Variants in TRIM9 observed in about 807,000 individuals in gnomAD.
The protein encoded by TRIM9 is tripartite motif containing 9.
TRIM9 carries 26 observed loss-of-function variants against 78.3 expected under a neutral mutation model. The observed-to-expected ratio is 0.33, with a 90% confidence interval of 0.24 to 0.46. The LOEUF is 0.46. Among genes scored for constraint, TRIM9 ranks in the 20% least tolerant of loss-of-function variants. The pLI, the probability that TRIM9 is intolerant of heterozygous loss-of-function variation, is 1.00. For missense variants in TRIM9, 787 were observed against 1,036.4 expected (o/e 0.76, Z 3.30); for synonymous variants, 398 against 416.5 (o/e 0.96, Z 0.54).
rs544588826 is a variant in TRIM9 at position 51,061,256 on chromosome 14, T to C, written c.822+32862A>G. 4.0e-5 allele frequency among the ~76,000 whole-genome samples: 6 copies of C among 151,794 alleles called. No homozygotes were observed. The South Asian group carries it at 8.3e-4, about 21-fold the overall frequency. On this transcript the variant is annotated intron_variant, in intron 1 of 12. Transcript: ENST00000684578. ...AGTGAAACCCTGTCTCTACGAAAAA[T>C]ATAAAAGTTAGCTGGGCGTGGTGGT...
At chr14:50,999,604 C>T (rs967066007) in intron 6 of TRIM9, among the ~76,000 whole-genome samples, 6 of 152,086 alleles carry the variant, frequency 3.9e-5, no homozygotes, top group Admixed American at 3.3e-4. Flanking sequence ...GAAAAGGGGG[C>T]CTTGAGAGGC....
At chr14:50,988,578 T>C (rs947624031) in intron 7 of TRIM9, among the ~76,000 whole-genome samples, 5 of 83,304 alleles carry the variant, frequency 6.0e-5, no homozygotes, top group Admixed American at 2.1e-4. Flanking sequence ...CCATTTCTTT[T>C]TTTTTTTTTT....
chr14:51,072,206 T>C (rs1334020238), intron 1 of TRIM9, among the ~76,000 whole-genome samples: 2 of 152,188 alleles, frequency 1.3e-5, no homozygotes, highest in Non-Finnish European at 2.9e-5. Context: ...TTCTTTTTTT[T>C]CATAGGGAAA....
chr14:50,975,726 T>C lies in TRIM9; in HGVS notation c.*1565A>G, dbSNP rs2051046870. On this transcript the variant is annotated 3_prime_UTR_variant, in exon 13 of 13. Transcript: ENST00000684578. Reference sequence around the variant, plus strand: ...CCCTTCTATTTGTTATTCTTGTTTTTTCATGGTGAATTTCTTGGCTCACTG... The same window carrying C: ...CCCTTCTATTTGTTATTCTTGTTTTCTCATGGTGAATTTCTTGGCTCACTG... 1 of 152,688 alleles carries C rather than the reference T, an allele frequency of 6.5e-6. No homozygotes were observed. The highest frequency in any genetic ancestry group is 2.4e-5 in the African/African-American group (1 of 41,468). The allele number at this position is 152,688 out of a possible 1,614,324, so 9.5% of individuals were successfully genotyped here.
intron 1 of TRIM9, among the ~76,000 whole-genome samples, chr14:51,049,036 A>G (rs2060177980): frequency 6.6e-6 from 1 of 151,342 alleles, no homozygotes; most frequent in Non-Finnish European, 1.5e-5. Flanking sequence ...TTACATGAAC[A>G]TAGTTTAGTG....
At chr14:50,989,708 T>C (rs921857938) in intron 7 of TRIM9, among the ~76,000 whole-genome samples, 2 of 152,168 alleles carry the variant, frequency 1.3e-5, no homozygotes, top group African/African-American at 4.8e-5. Context: ...AATGGCCAAA[T>C]GTGGTGACTC....
chr14:51,035,063 T>C (rs557113827), intron 1 of TRIM9, among the ~76,000 whole-genome samples: 52 of 152,278 alleles, frequency 3.4e-4, no homozygotes, highest in Non-Finnish European at 6.9e-4. Context: ...GATTTCAAGA[T>C]AGCAATAGAT....
chr14:51,012,449 C>T (rs1424124071), intron 3 of TRIM9, among the ~76,000 whole-genome samples: 8 of 152,160 alleles, frequency 5.3e-5, no homozygotes, highest in African/African-American at 1.7e-4. Flanking sequence ...GTATGTATAT[C>T]GCATTTTGTT....
intron 1 of TRIM9, among the ~76,000 whole-genome samples, chr14:51,065,433 C>A (rs56122519): frequency 0.025 from 3,805 of 152,230 alleles, 165 homozygotes; most frequent in African/African-American, 0.088. Context: ...AGGAAGTGCA[C>A]TGTATGGGGC....
At chr14:51,060,537 G>A (rs1157448461) in intron 1 of TRIM9, among the ~76,000 whole-genome samples, 1 of 152,040 alleles carries the variant, frequency 6.6e-6, no homozygotes, top group Non-Finnish European at 1.5e-5. Flanking sequence ...CACGATCTCG[G>A]CTGACTGCAA....
At chr14:51,028,688 T>C (rs1209016922) in intron 1 of TRIM9, among the ~76,000 whole-genome samples, 1 of 152,316 alleles carries the variant, frequency 6.6e-6, no homozygotes, top group East Asian at 1.9e-4. Flanking sequence ...TCGGATTTCT[T>C]GGATATTTGT....
intron 1 of TRIM9, among the ~76,000 whole-genome samples, chr14:51,049,570 G>A (rs2060225420): frequency 6.6e-6 from 1 of 152,182 alleles, no homozygotes; most frequent in Non-Finnish European, 1.5e-5. Flanking sequence ...GCTCATGCCT[G>A]TAATCCCAGC....
intron 1 of TRIM9, among the ~76,000 whole-genome samples, chr14:51,039,343 C>T (rs1361632918): frequency 6.6e-6 from 1 of 152,246 alleles, no homozygotes; most frequent in Non-Finnish European, 1.5e-5. Context: ...ATACGATGTT[C>T]ATAACAGTTT....
intron 7 of TRIM9, among the ~76,000 whole-genome samples, chr14:50,987,263 T>TA (rs2052839831): frequency 6.6e-6 from 1 of 152,224 alleles, no homozygotes; most frequent in African/African-American, 2.4e-5. Context: ...TTGCTGGACA[T>TA]ACACTTCTAT....
intron 1 of TRIM9, among the ~76,000 whole-genome samples, chr14:51,050,753 C>T (rs2060349980): frequency 1.3e-5 from 2 of 152,116 alleles, no homozygotes; most frequent in African/African-American, 4.8e-5. Flanking sequence ...CCTCCATCCC[C>T]CTCTCCACCC....
At chr14:51,039,552 A>G (rs2139962829) in intron 1 of TRIM9, among the ~76,000 whole-genome samples, 1 of 152,296 alleles carries the variant, frequency 6.6e-6, no homozygotes, top group South Asian at 2.1e-4. Flanking sequence ...TACATGCTGT[A>G]TTTAAATGAA....
intron 1 of TRIM9, among the ~76,000 whole-genome samples, chr14:51,046,239 T>A (rs2059941614): frequency 6.6e-6 from 1 of 152,102 alleles, no homozygotes; most frequent in African/African-American, 2.4e-5. Context: ...AAGGGACACT[T>A]GTGGGGCTGG....
chr14:50,979,712 T>C (rs953487688), intron 11 of TRIM9, among the ~76,000 whole-genome samples, 163 bp from the exon 12 acceptor site: 3 of 152,220 alleles, frequency 2.0e-5, no homozygotes, highest in African/African-American at 7.2e-5. Context: ...ATACCGCAGA[T>C]ATACTGTATA....
At chr14:51,051,068 G>T (rs2060379281) in intron 1 of TRIM9, among the ~76,000 whole-genome samples, 1 of 152,154 alleles carries the variant, frequency 6.6e-6, no homozygotes, top group African/African-American at 2.4e-5. Flanking sequence ...TTTCAGGAAG[G>T]CTTTGTAGTT....
Sources: gnomAD v4.1 joint callset for allele counts (sites outside exome capture counted in the v4.1 genomes callset) on GRCh38, gnomAD v4.1.1 for gene constraint, MANE v1.5 for transcripts, NCBI Gene and HGNC (gene_info 2026-07-23, HGNC 2026-07-21) for gene names.